CYBB: variants seen among roughly 807,000 people sequenced by gnomAD.
CYBB encodes the protein cytochrome b-245 beta chain.
A neutral mutation model predicts 46.5 loss-of-function variants in CYBB; 5 were observed. The observed-to-expected ratio is 0.11, with a 90% CI of 0.06 to 0.23. CYBB has a LOEUF of 0.23. Among genes scored for constraint, CYBB ranks in the 10% least tolerant of loss-of-function variants. CYBB has a pLI of 1.00. For synonymous variants in CYBB, 183 were observed against 156.7 expected (o/e 1.17, Z -1.26); for missense variants, 307 against 428.3 (o/e 0.72, Z 2.50).
At position 37,811,412 on chromosome X, in the gene CYBB, C is replaced by T. The variant is rs1929672764; in HGVS notation, c.*495C>T. On this transcript the variant is annotated 3_prime_UTR_variant, in exon 13 of 13. Coordinates refer to ENST00000378588, the MANE Select transcript of CYBB (RefSeq NM_000397.4). ...GTGTCATTTTTGCCATCATTATTAT[C>T]ATACTGAAGGAAATTTTCCAGATCA... 7.7e-6 allele frequency: 1 copy of T among 130,524 alleles called. No individual in the cohort carries two copies. The highest frequency in any genetic ancestry group is 3.2e-5 in the African/African-American group (1 of 30,858). 10.8% of individuals were successfully genotyped at this position (130,524 alleles called of 1,213,427 possible).
At chrX:37,809,459 C>A in intron 11 of CYBB, 108 bp from the exon 12 acceptor site, 1 of 903,398 alleles carries the variant, frequency 1.1e-6, no homozygotes, top group Non-Finnish European at 1.6e-6. Context: ...TACCTTTCAG[C>A]ATCCAGCAGG....
At position 37,797,172 on chromosome X, in the gene CYBB, T is replaced by C. The variant is rs1929331272; in HGVS notation, c.674+1031T>C. 2.7e-5 allele frequency among the ~76,000 whole-genome samples: 3 copies of C among 111,304 alleles called. No homozygotes were observed. The Admixed American group carries it at 2.9e-4, about 11-fold the overall frequency. On this transcript the variant is annotated intron_variant, in intron 6 of 12. Transcript: ENST00000378588. ...GGGTGGGGAAAGCTGCATTGGGCAC[T>C]GCATTCTTAAACTACTTGCTGACTG...
intron 8 of CYBB, 48 bp from the exon 9 acceptor site, chrX:37,803,829 A>G: frequency 8.4e-7 from 1 of 1,196,839 alleles, no homozygotes; most frequent in Non-Finnish European, 1.1e-6. Context: ...CTAAAAAGGC[A>G]AGTATTTAGG....
chrX:37,809,223 G>A (rs1487117495), intron 11 of CYBB, among the ~76,000 whole-genome samples: 1 of 112,066 alleles, frequency 8.9e-6, no homozygotes, highest in East Asian at 2.8e-4. Context: ...GAAAAACAGT[G>A]AGACACTATT....
At chrX:37,809,743 G>T (rs1556472757) in intron 12 of CYBB, 52 bp downstream of exon 12, 2 of 1,169,920 alleles carry the variant, frequency 1.7e-6, no homozygotes, top group Non-Finnish European at 2.3e-6. Context: ...GCCTAAAGCG[G>T]CAGCCCCTAT....
At chrX:37,792,453 T>C (rs782564348) in intron 4 of CYBB, among the ~76,000 whole-genome samples, 27 of 111,403 alleles carry the variant, frequency 2.4e-4, no homozygotes, top group African/African-American at 8.1e-4. Flanking sequence ...ACAGGAGCCA[T>C]AGCCCATAAA....
At chrX:37,803,665 C>A (rs1044438585) in intron 8 of CYBB, among the ~76,000 whole-genome samples, 2 of 111,021 alleles carry the variant, frequency 1.8e-5, no homozygotes, top group East Asian at 2.9e-4. Flanking sequence ...AGGGACTAGG[C>A]CTTAGTATCC....
chrX:37,790,453 C>T (rs782238398), intron 3 of CYBB, among the ~76,000 whole-genome samples: 6 of 112,152 alleles, frequency 5.3e-5, no homozygotes, highest in Non-Finnish European at 9.4e-5. Flanking sequence ...GTTTTCTTAC[C>T]TGTAAAATGA....
chrX:37,791,308 GATTAA>G (rs1365093701), intron 3 of CYBB, among the ~76,000 whole-genome samples: 35 of 111,486 alleles, frequency 3.1e-4, no homozygotes, highest in African/African-American at 1.1e-3. Context: ...TTACATTAAA[GATTAA>G]ATTAAATTAA....
chrX:37,808,202 G>A (rs1929602839), intron 11 of CYBB, among the ~76,000 whole-genome samples: 1 of 111,730 alleles, frequency 9.0e-6, no homozygotes, highest in Non-Finnish European at 1.9e-5. Context: ...AGGCTGGCAA[G>A]TCCAAGATCA....
intron 3 of CYBB, among the ~76,000 whole-genome samples, chrX:37,785,790 G>A (rs1929054153): frequency 8.9e-6 from 1 of 111,767 alleles, no homozygotes; most frequent in African/African-American, 3.3e-5. Context: ...AGGAAGTAAA[G>A]CCTGAGAAAC....
Position 37,801,586 on chromosome X carries a change from T to TTGTGTGTGTGTG in CYBB, c.897+270_897+281dup, listed in dbSNP as rs58302662. Among the ~76,000 whole-genome samples the TTGTGTGTGTGTG allele has an allele frequency of 8.4e-3, 711 of 84,479 alleles. 3 individuals carry two copies. The highest frequency in any genetic ancestry group is 0.01 in the Non-Finnish European group (439 of 43,364). The allele number at this position is 84,479 out of a possible 115,157, so 73.4% of individuals were successfully genotyped here. ...TCTGGACATCAATCTCCCCCACCCA[T>TTGTGTGTGTGTG]TGTGTGTGTGTGTGTGTGTGTGTGT... On this transcript the variant is annotated intron_variant, in intron 8 of 12. Transcript: ENST00000378588.
At chrX:37,808,870 T>C (rs1171327473) in intron 11 of CYBB, among the ~76,000 whole-genome samples, 1 of 112,401 alleles carries the variant, frequency 8.9e-6, no homozygotes, top group Non-Finnish European at 1.9e-5. Flanking sequence ...TAAATTGGAG[T>C]GCCCACCTTT....
At chrX:37,809,048 GCA>G (rs1357690814) in intron 11 of CYBB, among the ~76,000 whole-genome samples, 1 of 112,050 alleles carries the variant, frequency 8.9e-6, no homozygotes, top group Non-Finnish European at 1.9e-5. Context: ...ATATGTGCGT[GCA>G]CACACACACA....
intron 7 of CYBB, among the ~76,000 whole-genome samples, chrX:37,799,285 T>C (rs1243430263): frequency 8.9e-6 from 1 of 112,206 alleles, no homozygotes; most frequent in African/African-American, 3.2e-5. Context: ...CATTGTTCTG[T>C]TATTAACATC....
chrX:37,790,501 T>C (rs1556466665), intron 3 of CYBB, among the ~76,000 whole-genome samples: 1 of 112,077 alleles, frequency 8.9e-6, no homozygotes, highest in Admixed American at 9.5e-5. Context: ...AAATGAGTAA[T>C]GATTATGGGT....
chrX:37,783,437 G>A lies in CYBB; in HGVS notation c.142-53G>A, dbSNP rs908398621. 3.4e-5 allele frequency: 27 copies of A among 789,027 alleles called. No homozygotes were observed. In the African/African-American group the frequency reaches 4.1e-4, roughly 12 times the overall value. The allele number at this position is 789,027 out of a possible 1,213,427, so 65.0% of individuals were successfully genotyped here. A position where few individuals can be genotyped will look rare whatever the true frequency, so the allele number is the denominator to read the frequency against. ...AAGAACCTTGGGGAAGTGGGGACAG[G>A]GCATATTCTGTGCTCAAAAAAGTCA... On this transcript the variant is annotated intron_variant, in intron 2 of 12. Coordinates refer to ENST00000378588, the MANE Select transcript of CYBB (RefSeq NM_000397.4).
chrX:37,809,499 T>C (rs1556472624), intron 11 of CYBB, 68 bp from the exon 12 acceptor site: 2 of 1,126,073 alleles, frequency 1.8e-6, no homozygotes, highest in Non-Finnish European at 2.4e-6. Context: ...TTGTGAAGGA[T>C]GTAAATACAT....
At chrX:37,795,808 G>T (rs1556468200) in intron 5 of CYBB, 143 bp from the exon 6 acceptor site, 1 of 462,972 alleles carries the variant, frequency 2.2e-6, no homozygotes, top group African/African-American at 2.4e-5. Context: ...TCAAAGAGGG[G>T]GTGAAAATAT....
Sources: gnomAD v4.1 joint callset for allele counts (sites outside exome capture counted in the v4.1 genomes callset) on GRCh38, gnomAD v4.1.1 for gene constraint, MANE v1.5 for transcripts, NCBI Gene and HGNC (gene_info 2026-07-23, HGNC 2026-07-21) for gene names.